The following TUBGCP6 variants were observed in gnomAD, a reference collection of about 807,000 sequenced individuals.
The protein encoded by TUBGCP6 is gamma-tubulin complex component 6.
In TUBGCP6, 161 loss-of-function variants were observed where a neutral mutation model predicts 175.8. That is an observed-to-expected ratio of 0.92 (90% CI 0.81 to 1.04). The LOEUF (loss-of-function observed/expected upper bound fraction) is 1.04. Ranked by LOEUF, TUBGCP6 falls within the 50% of genes least tolerant of loss-of-function variation. The pLI is 0.00. For synonymous variants in TUBGCP6, 1,173 were observed against 1,030.5 expected (o/e 1.14, Z -2.65); for missense variants, 2,572 against 2,433.0 (o/e 1.06, Z -1.20).
chr22:50,233,065 A>G (rs774808275), intron 3 of TUBGCP6, among the ~76,000 whole-genome samples: 2 of 152,244 alleles, frequency 1.3e-5, no homozygotes, highest in Non-Finnish European at 2.9e-5. Context: ...AACATTTTCT[A>G]TCGCTTTGCT....
rs759472637 is a variant in TUBGCP6 at position 50,219,306 on chromosome 22, G to A, written c.4466C>T (p.Thr1489Met). The change falls in exon 19 of 25, where the codon ACG becomes ATG. Residue 1489 changes from threonine to methionine, a missense_variant. Transcript: ENST00000248846. ...TLPVLMKRSI[T>M]APLAAHISLV... ...CACTCACTGGGCGGCCAGCGGTGCC[G>A]TGATGGAGCGCTTCATGAGCACGGG... 104 of 1,603,832 alleles carry A rather than the reference G, an allele frequency of 6.5e-5. 1 individual carries two copies. The highest frequency in any genetic ancestry group is 1.7e-4 in the Middle Eastern group (1 of 5,964).
chr22:50,222,772 A>T (rs1446307466), intron 13 of TUBGCP6, among the ~76,000 whole-genome samples, 180 bp from the exon 14 acceptor site: 1 of 152,270 alleles, frequency 6.6e-6, no homozygotes, highest in East Asian at 1.9e-4. Context: ...AGCACCAGGC[A>T]GGCCCTTCTA....
In TUBGCP6 at chr22:50,218,784, G is replaced by A. The variant is rs761566467; in HGVS notation, c.4740C>T (p.Leu1580=). ...LHGDTPHASN[L]SLALKYLPEV... is the part of the protein sequence containing the mutation. ...CGGGCAGGTACTTGAGAGCGAGGGAGAGGTTGGAGGCGTGCGGGGTGTCCC... is the reference window on the plus strand; with the variant it reads ...CGGGCAGGTACTTGAGAGCGAGGGAAAGGTTGGAGGCGTGCGGGGTGTCCC... Residue 1580 remains leucine (L), a synonymous_variant, in exon 21 of 25, where the codon CTC becomes CTT. Transcript: ENST00000248846. 1 of 1,614,124 alleles carries A rather than the reference G, an allele frequency of 6.2e-7. No individual in the cohort carries two copies.
rs2064580005 is a variant in TUBGCP6, at chr22:50,224,683, G to C, written c.1984-91C>G. 4 of 1,254,344 alleles carry C rather than the reference G, an allele frequency of 3.2e-6. No homozygotes were observed. In the South Asian group the frequency reaches 4.9e-5, roughly 15 times the overall value. The allele number at this position is 1,254,344 out of a possible 1,614,324, so 77.7% of individuals were successfully genotyped here. A position where few individuals can be genotyped will look rare whatever the true frequency, so the allele number is the denominator to read the frequency against. ...GCACTTTGGGAGGCCGAGGTGGGTA[G>C]ATCACATGAGCTTAAGAGTTCAAGA... On this transcript the variant is annotated intron_variant, in intron 10 of 24. Transcript: ENST00000248846.
Position 50,218,329 on chromosome 22 carries a change from G to T in TUBGCP6, c.5028C>A (p.Phe1676Leu). 1.2e-6 allele frequency: 2 copies of T among 1,613,072 alleles called. No homozygotes were observed. The highest frequency in any genetic ancestry group is 1.7e-6 in the Non-Finnish European group (2 of 1,179,992). ...LQLFKHEMQH[F>L]VKVIQGYIAN... Reference sequence around the variant, plus strand: ...CGATGTAGCCCTGGATGACCTTCACGAAATGCTGCATCTCGTGCTTGAACA... The same window carrying T: ...CGATGTAGCCCTGGATGACCTTCACTAAATGCTGCATCTCGTGCTTGAACA... The change falls in exon 23 of 25, where the codon TTC becomes TTA. Residue 1676 changes from phenylalanine (F) to leucine (L), a missense_variant. Transcript: ENST00000248846.
Position 50,219,419 on chromosome 22 carries a change from A to C in TUBGCP6, c.4353T>G (p.Leu1451=), listed in dbSNP as rs1368749756. ...PPIAHLLRPV[L]PRAFAFPVDP... ...CCACGGGGAAGGCGAAGGCCCGGGGAAGCACGGGGCGCAAAAGATGAGCAA... is the reference window on the plus strand; with the variant it reads ...CCACGGGGAAGGCGAAGGCCCGGGGCAGCACGGGGCGCAAAAGATGAGCAA... The change falls in exon 19 of 25, where the codon CTT becomes CTG. Residue 1451 remains leucine (L), a synonymous_variant. Coordinates refer to ENST00000248846, the MANE Select transcript of TUBGCP6 (RefSeq NM_020461.4). 6.4e-7 allele frequency: 1 copy of C among 1,569,832 alleles called. No individual in the cohort carries two copies. Among genetic ancestry groups the C allele is most frequent in the Non-Finnish European group, 8.6e-7 (1 of 1,158,354 alleles).
In TUBGCP6 at chr22:50,220,543, G is replaced by A. The variant is rs558355641; in HGVS notation, c.3816C>T (p.Ile1272=). ...TRPRWNTHVP[I]PPPHMVLGAL... is the part of the protein sequence containing the mutation. ...CCCCCAGCACCATGTGGGGCGGAGG[G>A]ATGGGTACATGGGTGTTCCACCGTG... The change falls in exon 16 of 25, where the codon ATC becomes ATT. Residue 1272 remains isoleucine (I), a synonymous_variant. Transcript: ENST00000248846. The A allele has an allele frequency of 3.1e-6, 5 of 1,613,596 alleles. No homozygotes were observed. In the South Asian group the frequency reaches 3.3e-5, roughly 11 times the overall value.
rs139473100 is a variant in TUBGCP6 at position 50,237,242 on chromosome 22, G to C, written c.905+2962C>G. Among the ~76,000 whole-genome samples, 673 of 152,362 alleles carry C rather than the reference G, an allele frequency of 4.4e-3. 3 individuals carry two copies. The highest frequency in any genetic ancestry group is 0.015 in the African/African-American group (636 of 41,592). On this transcript the variant is annotated intron_variant, in intron 2 of 24. Coordinates refer to ENST00000248846, the MANE Select transcript of TUBGCP6 (RefSeq NM_020461.4). ...GGCGAGTGGCCCCCCGTGGGGTCTT[G>C]GGACCTGTGGGAAAGCAGGGTTGAT...
At chr22:50,226,456 CA>C (rs2064611095) in intron 7 of TUBGCP6, 78 bp from the exon 8 acceptor site, 4 of 1,370,538 alleles carry the variant, frequency 2.9e-6, no homozygotes, top group Admixed American at 2.0e-5. Flanking sequence ...AGGGGTGGGA[CA>C]GGGGCGTGGC....
At chr22:50,230,654 G>A (rs1318469780) in intron 3 of TUBGCP6, among the ~76,000 whole-genome samples, 1 of 148,986 alleles carries the variant, frequency 6.7e-6, no homozygotes, top group Admixed American at 6.7e-5. Context: ...GTGCATGCCT[G>A]TTGGTCCCAG....
chr22:50,234,940 C>T (rs968728634), intron 2 of TUBGCP6, among the ~76,000 whole-genome samples: 7 of 151,146 alleles, frequency 4.6e-5, no homozygotes, highest in South Asian at 2.1e-4. Context: ...ACGGCAGCAT[C>T]GCCCACACTC....
rs1014943482 is a variant in TUBGCP6 at position 50,225,525 on chromosome 22, G to A, written c.1983+269C>T. Among the ~76,000 whole-genome samples the A allele has an allele frequency of 2.0e-5, 3 of 151,928 alleles. No individual in the cohort carries two copies. In the South Asian group the frequency reaches 6.2e-4, roughly 32 times the overall value. On this transcript the variant is annotated intron_variant, in intron 10 of 24. Coordinates refer to ENST00000248846, the MANE Select transcript of TUBGCP6 (RefSeq NM_020461.4). ...TTCAGGCTGAGCCACCCAGACCCAG[G>A]AGGAGAAGTCAGAGCCCCTGCCTGG... is the stretch of plus-strand genomic sequence containing the variant.
chr22:50,227,147 C>G, intron 5 of TUBGCP6, 70 bp from the exon 6 acceptor site: 2 of 1,401,304 alleles, frequency 1.4e-6, no homozygotes, highest in Non-Finnish European at 2.0e-6. Context: ...AGATCGTGAG[C>G]AAAGTCTCCA....
In TUBGCP6 at chr22:50,240,314, G is replaced by A. The variant is rs1197699527; in HGVS notation, c.795C>T (p.Asn265=). Residue 265 remains asparagine, a synonymous_variant, in exon 2 of 25, where the codon AAC becomes AAT. Transcript: ENST00000248846. ...WEDEGFQSAS[N]LTPDSQSEPS... ...GCTCAGACTGGGAATCAGGAGTCAA[G>A]TTGGACGCTGACTGGAATCCTTCGT... is the stretch of plus-strand genomic sequence containing the variant. The A allele has an allele frequency of 1.9e-6, 3 of 1,614,026 alleles. No homozygotes were observed. The highest frequency in any genetic ancestry group is 3.3e-5 in the Admixed American group (2 of 60,006).
chr22:50,240,125 GC>G, intron 2 of TUBGCP6, 78 bp downstream of exon 2: 1 of 1,578,126 alleles, frequency 6.3e-7, no homozygotes. Context: ...AGTACACAAC[GC>G]CCCCCACACA....
Position 50,244,638 on chromosome 22 carries a change from G to T in TUBGCP6, c.-179C>A. The T allele has an allele frequency of 1.9e-6, 2 of 1,054,136 alleles. No homozygotes were observed. The highest frequency in any genetic ancestry group is 2.6e-6 in the Non-Finnish European group (2 of 756,850). 65.3% of individuals were successfully genotyped at this position (1,054,136 alleles called of 1,614,324 possible). A position where few individuals can be genotyped will look rare whatever the true frequency, so the allele number is the denominator to read the frequency against. Reference sequence around the variant, plus strand: ...GGAGGTCTTGCGGTTGCTCTACTCAGAGTAAACACGCCCTGCCCTCCCCAG... The same window carrying T: ...GGAGGTCTTGCGGTTGCTCTACTCATAGTAAACACGCCCTGCCCTCCCCAG... On this transcript the variant is annotated 5_prime_UTR_variant, in exon 1 of 25. It adds an upstream start codon to the 5' untranslated region. Transcript: ENST00000248846.
chr22:50,240,429 GA>G, intron 1 of TUBGCP6, 62 bp from the exon 2 acceptor site: 1 of 1,591,012 alleles, frequency 6.3e-7, no homozygotes, highest in Non-Finnish European at 8.6e-7. Context: ...ATCCAAGGGC[GA>G]TGAGAATTTC....
At chr22:50,232,393 A>G (rs1324829764) in intron 3 of TUBGCP6, among the ~76,000 whole-genome samples, 2 of 151,698 alleles carry the variant, frequency 1.3e-5, no homozygotes, top group Admixed American at 1.3e-4. Flanking sequence ...AGAAAAAGAA[A>G]AAGAAAAGAA....
rs948609220 is a variant in TUBGCP6, at chr22:50,221,536, G to A, written c.2823C>T (p.Ala941=). The A allele has an allele frequency of 1.9e-6, 3 of 1,584,320 alleles. No homozygotes were observed. Among genetic ancestry groups the A allele is most frequent in the Non-Finnish European group, 2.6e-6 (3 of 1,163,746 alleles). ...CCTGTGGCCTGGAGGGCTGAGTGCT[G>A]GCTGCTGCGGGTGCCTCCCCAGGAG... The part of the protein sequence containing the change: ...PSAPGEAPAA[A]STQPSRPQEY... Residue 941 remains alanine (A), a synonymous_variant, in exon 16 of 25, where the codon GCC becomes GCT. Transcript: ENST00000248846.
Sources: gnomAD v4.1 joint callset for allele counts (sites outside exome capture counted in the v4.1 genomes callset) on GRCh38, gnomAD v4.1.1 for gene constraint, MANE v1.5 for transcripts, NCBI Gene and HGNC (gene_info 2026-07-23, HGNC 2026-07-21) for gene names.